TENM1: variants seen among roughly 807,000 people sequenced by gnomAD.
TENM1 encodes teneurin-1.
Under a neutral mutation model 174.8 loss-of-function variants are expected in TENM1, and 35 were observed. That is an observed-to-expected ratio of 0.20 (90% confidence interval 0.15 to 0.27). The LOEUF (loss-of-function observed/expected upper bound fraction) is 0.27. Among genes scored for constraint, TENM1 ranks in the 10% least tolerant of loss-of-function variants. TENM1 has a pLI of 1.00. For missense variants in TENM1, 1,633 were observed against 2,130.1 expected (o/e 0.77, Z 4.59); for synonymous variants, 781 against 798.7 (o/e 0.98, Z 0.37).
At chrX:124,485,238 C>T (rs2046928571) in intron 21 of TENM1, among the ~76,000 whole-genome samples, 2 of 110,748 alleles carry the variant, frequency 1.8e-5, no homozygotes, top group Admixed American at 1.9e-4. Context: ...TCCTACTTAC[C>T]TTCATCAAGT....
intron 30 of TENM1, 130 bp from the exon 34 acceptor site, chrX:124,382,942 T>TTATC: frequency 8.1e-6 from 1 of 122,875 alleles, no homozygotes; most frequent in Non-Finnish European, 1.4e-5. Context: ...AAACTCCTAT[T>TTATC]TATTTATTTA....
chrX:124,407,703 T>C (rs2060478875), intron 25 of TENM1, among the ~76,000 whole-genome samples: 1 of 112,950 alleles, frequency 8.9e-6, no homozygotes, highest in Non-Finnish European at 1.9e-5. Flanking sequence ...CTATACATAA[T>C]GCCACCTAAA....
rs931951381 is a variant in TENM1 at position 124,589,497 on chromosome X, C to T, written c.2078-23937G>A. On this transcript the variant is annotated intron_variant, in intron 11 of 31. Transcript: ENST00000422452. Reference sequence around the variant, plus strand: ...GGAATAGTTTCAGTAGAATTGGTACCAGCTCTTCTTTGTACACTGGTAGAA... The same window carrying T: ...GGAATAGTTTCAGTAGAATTGGTACTAGCTCTTCTTTGTACACTGGTAGAA... 4.5e-5 allele frequency among the ~76,000 whole-genome samples: 5 copies of T among 110,505 alleles called. No individual in the cohort carries two copies. The Admixed American group carries it at 4.9e-4, about 11-fold the overall frequency.
At chrX:124,448,383 A>C (rs2060989953) in intron 23 of TENM1, among the ~76,000 whole-genome samples, 1 of 111,376 alleles carries the variant, frequency 9.0e-6, no homozygotes, top group African/African-American at 3.3e-5. Context: ...TCATACCTGG[A>C]TTTCTTCAAC....
chrX:124,515,872 A>C (rs1391695302), intron 18 of TENM1, among the ~76,000 whole-genome samples: 1 of 110,769 alleles, frequency 9.0e-6, no homozygotes, highest in African/African-American at 3.3e-5. Context: ...GGAACCCCCC[A>C]AAAAAGCCTA....
intron 18 of TENM1, among the ~76,000 whole-genome samples, chrX:124,510,868 G>A (rs1023077542): frequency 1.8e-5 from 2 of 109,912 alleles, no homozygotes; most frequent in Non-Finnish European, 3.8e-5. Context: ...TGTTCACTTC[G>A]GTTCTATTAT....
At chrX:125,045,190 A>G in the TENM1 span, among the ~76,000 whole-genome samples, 58 of 111,595 alleles carry the variant, frequency 5.2e-4, no homozygotes, top group Non-Finnish European at 7.5e-5. Flanking sequence ...TGAGAACAGT[A>G]TGGGGGAAAC....
intron 2 of TENM1, 29 bp from the exon 6 acceptor site, chrX:124,894,381 G>A: frequency 8.9e-7 from 1 of 1,124,997 alleles, no homozygotes; most frequent in Non-Finnish European, 1.2e-6. Context: ...CACTAGTTAA[G>A]CCTTGTCCAA....
intron 15 of TENM1, among the ~76,000 whole-genome samples, chrX:124,534,516 T>C (rs1406107841): frequency 1.8e-5 from 2 of 112,250 alleles, no homozygotes; most frequent in East Asian, 5.6e-4. Context: ...AGATGCAATT[T>C]ACTACATTGC....
At chrX:124,629,565 T>C in intron 11 of TENM1, among the ~76,000 whole-genome samples, 1 of 112,602 alleles carries the variant, frequency 8.9e-6, no homozygotes, top group African/African-American at 3.2e-5. Context: ...AAAAGCATCA[T>C]GCTATGTGTT....
intron 11 of TENM1, among the ~76,000 whole-genome samples, chrX:124,605,087 CTGTGA>C (rs2050120314): frequency 9.4e-6 from 1 of 106,044 alleles, no homozygotes; most frequent in Middle Eastern, 4.7e-3. Context: ...GCAAGGACTA[CTGTGA>C]AGTCAAAGTG....
intron 3 of TENM1, among the ~76,000 whole-genome samples, chrX:124,886,404 C>G (rs936379872): frequency 1.8e-5 from 2 of 108,617 alleles, no homozygotes; most frequent in Admixed American, 2.0e-4. Context: ...CATATGCATA[C>G]CATACATTCA....
chrX:124,670,371 G>A (rs1355221387), intron 6 of TENM1, among the ~76,000 whole-genome samples: 1 of 110,858 alleles, frequency 9.0e-6, no homozygotes, highest in Admixed American at 9.6e-5. Flanking sequence ...AACAGCAGAA[G>A]AGAAGGTAAG....
chrX:124,831,704 C>T (rs1487828176), intron 3 of TENM1, among the ~76,000 whole-genome samples: 1 of 111,807 alleles, frequency 8.9e-6, no homozygotes, highest in Non-Finnish European at 1.9e-5. Context: ...TAACGTAACA[C>T]GTTACTCTCA....
intron 11 of TENM1, among the ~76,000 whole-genome samples, chrX:124,597,202 A>ACCC (rs2049916541): frequency 8.9e-6 from 1 of 111,920 alleles, no homozygotes; most frequent in African/African-American, 3.2e-5. Context: ...ATGTCATTAT[A>ACCC]TGGAAAAAGA....
At chrX:124,660,866 C>T (rs370982966) in intron 6 of TENM1, among the ~76,000 whole-genome samples, 2 of 112,029 alleles carry the variant, frequency 1.8e-5, no homozygotes, top group Admixed American at 1.9e-4. Context: ...ATGACCCCGT[C>T]ATTCCACAAC....
At chrX:124,559,277 G>A (rs2048759947) in intron 14 of TENM1, among the ~76,000 whole-genome samples, 1 of 111,300 alleles carries the variant, frequency 9.0e-6, no homozygotes, top group African/African-American at 3.3e-5. Flanking sequence ...GACTACCTAG[G>A]TTTATATCCA....
chrX:124,677,550 T>G (rs1384631522), intron 5 of TENM1, among the ~76,000 whole-genome samples: 2 of 111,473 alleles, frequency 1.8e-5, no homozygotes, highest in Non-Finnish European at 3.8e-5. Context: ...AAAGAAATAA[T>G]CACATGTGGG....
the TENM1 span, among the ~76,000 whole-genome samples, chrX:124,973,018 T>G: frequency 7.1e-5 from 8 of 112,243 alleles, no homozygotes; most frequent in Admixed American, 7.6e-4. Flanking sequence ...AGAGCTTTCT[T>G]GCTGTGTCAA....
Sources: gnomAD v4.1 joint callset for allele counts (sites outside exome capture counted in the v4.1 genomes callset) on GRCh38, gnomAD v4.1.1 for gene constraint, MANE v1.5 for transcripts, NCBI Gene and HGNC (gene_info 2026-07-23, HGNC 2026-07-21) for gene names.